Variants in CFAP95 observed in about 807,000 individuals in gnomAD.
CFAP95 encodes cilia and flagella associated protein 95.
the CFAP95 span, among the ~76,000 whole-genome samples, chr9:69,888,209 A>G: frequency 6.6e-6 from 1 of 152,186 alleles, no homozygotes; most frequent in African/African-American, 2.4e-5. Flanking sequence ...GAATAATCAG[A>G]AATGTTTTGA....
chr9:69,882,807 C>A, the CFAP95 span, among the ~76,000 whole-genome samples: 1 of 152,108 alleles, frequency 6.6e-6, no homozygotes, highest in South Asian at 2.1e-4. Flanking sequence ...CCTGCTTGGT[C>A]ATGATGAATG....
the CFAP95 span, among the ~76,000 whole-genome samples, chr9:69,824,893 A>G: frequency 6.6e-6 from 1 of 152,238 alleles, no homozygotes; most frequent in Admixed American, 6.5e-5. Context: ...TATAGAATAT[A>G]AAGATAGCAA....
chr9:69,855,055 C>A, the CFAP95 span, among the ~76,000 whole-genome samples: 1 of 152,160 alleles, frequency 6.6e-6, no homozygotes, highest in South Asian at 2.1e-4. Context: ...CTCCTCAGTT[C>A]CCAATTTGAT....
chr9:69,867,937 T>A, the CFAP95 span, among the ~76,000 whole-genome samples: 1 of 152,232 alleles, frequency 6.6e-6, no homozygotes, highest in East Asian at 1.9e-4. Context: ...GCTGAGCTAA[T>A]CATTCCACAG....
chr9:69,845,609 C>T, the CFAP95 span, among the ~76,000 whole-genome samples: 2 of 152,066 alleles, frequency 1.3e-5, no homozygotes, highest in East Asian at 1.9e-4. Context: ...TCCTCCTTTC[C>T]TCTTATAGTT....
chr9:69,891,717 G>A, the CFAP95 span, among the ~76,000 whole-genome samples: 2 of 151,940 alleles, frequency 1.3e-5, no homozygotes, highest in African/African-American at 2.4e-5. Context: ...TTTTCATTTT[G>A]TAAAAAATAC....
At chr9:69,847,319 T>C in the CFAP95 span, among the ~76,000 whole-genome samples, 16 of 152,184 alleles carry the variant, frequency 1.1e-4, no homozygotes, top group Non-Finnish European at 2.4e-4. Flanking sequence ...GCAGGTATCA[T>C]GCATGATCCA....
At chr9:69,902,384 A>G in the CFAP95 span, 1 of 450,468 alleles carries the variant, frequency 2.2e-6, no homozygotes, top group Non-Finnish European at 4.4e-6. Context: ...AAAGTCCTCA[A>G]AACTGTGAGT....
At chr9:69,887,049 C>A in the CFAP95 span, among the ~76,000 whole-genome samples, 1 of 152,110 alleles carries the variant, frequency 6.6e-6, no homozygotes, top group African/African-American at 2.4e-5. Context: ...GGAATCATGA[C>A]AATGTTTTAT....
chr9:69,826,092 A>G, the CFAP95 span, among the ~76,000 whole-genome samples: 2 of 152,210 alleles, frequency 1.3e-5, no homozygotes, highest in South Asian at 2.1e-4. Flanking sequence ...TTGTAGTTTT[A>G]AAGACTTTTA....
chr9:69,855,636 T>C, the CFAP95 span, among the ~76,000 whole-genome samples: 3 of 152,108 alleles, frequency 2.0e-5, no homozygotes, highest in East Asian at 1.9e-4. Flanking sequence ...AAGCCAAGGA[T>C]CTAGAGAGCC....
At chr9:69,848,889 C>T in the CFAP95 span, among the ~76,000 whole-genome samples, 35 of 152,266 alleles carry the variant, frequency 2.3e-4, no homozygotes, top group African/African-American at 7.0e-4. Flanking sequence ...TCACCAGAAA[C>T]GCCCCGGGAC....
At chr9:69,874,449 G>T in the CFAP95 span, among the ~76,000 whole-genome samples, 28 of 152,246 alleles carry the variant, frequency 1.8e-4, no homozygotes, top group African/African-American at 6.5e-4. Context: ...GATTGTAATA[G>T]GATTCTTTCG....
At chr9:69,836,467 C>T in the CFAP95 span, among the ~76,000 whole-genome samples, 41 of 152,248 alleles carry the variant, frequency 2.7e-4, no homozygotes, top group East Asian at 5.8e-3. Flanking sequence ...CAAATGTCTG[C>T]ATTGTCTCTG....
chr9:69,851,361 T>G, the CFAP95 span, among the ~76,000 whole-genome samples: 2 of 152,162 alleles, frequency 1.3e-5, no homozygotes, highest in Non-Finnish European at 2.9e-5. Flanking sequence ...TCTCAGATAA[T>G]AAGAAGCCTA....
the CFAP95 span, among the ~76,000 whole-genome samples, chr9:69,848,900 C>T: frequency 6.6e-6 from 1 of 152,184 alleles, no homozygotes; most frequent in Non-Finnish European, 1.5e-5. Context: ...GCCCCGGGAC[C>T]TGTCTTATAT....
the CFAP95 span, among the ~76,000 whole-genome samples, chr9:69,839,966 A>G: frequency 6.6e-6 from 1 of 151,576 alleles, no homozygotes; most frequent in Non-Finnish European, 1.5e-5. Flanking sequence ...AATCCCAGCT[A>G]TTCAGAGGGT....
chr9:69,883,717 C>T, the CFAP95 span, among the ~76,000 whole-genome samples: 1 of 151,914 alleles, frequency 6.6e-6, no homozygotes, highest in East Asian at 1.9e-4. Context: ...AATTTCTGCC[C>T]TATCAGTTGT....
chr9:69,897,922 C>A, the CFAP95 span, among the ~76,000 whole-genome samples: 1 of 152,146 alleles, frequency 6.6e-6, no homozygotes, highest in Non-Finnish European at 1.5e-5. Flanking sequence ...AGGAAGAGAA[C>A]AAGAAGAAAA....
Sources: allele counts gnomAD v4.1 joint callset (sites outside exome capture counted in the v4.1 genomes callset), GRCh38; gene constraint gnomAD v4.1.1; transcripts MANE v1.5; gene names NCBI Gene and HGNC (gene_info 2026-07-23, HGNC 2026-07-21).